UBE2G1: variants seen among roughly 807,000 people sequenced by gnomAD.
UBE2G1 encodes ubiquitin-conjugating enzyme E2 G1.
In UBE2G1, 5 loss-of-function variants were observed where a neutral mutation model predicts 22.7. The observed-to-expected ratio is 0.22, with a 90% CI of 0.12 to 0.46. The LOEUF is 0.46. Ranked by LOEUF, UBE2G1 falls within the 20% of genes least tolerant of loss-of-function variation. UBE2G1 has a pLI of 0.99. For missense variants in UBE2G1, 88 were observed against 203.9 expected (o/e 0.43, Z 3.46); for synonymous variants, 74 against 67.5 (o/e 1.10, Z -0.47).
At chr17:4,353,274 ACACTGAAGGTGTCT>A (rs983097712) in intron 1 of UBE2G1, among the ~76,000 whole-genome samples, 2 of 152,100 alleles carry the variant, frequency 1.3e-5, no homozygotes, top group African/African-American at 4.8e-5. Flanking sequence ...CCTTGATGAG[ACACTGAAGGTGTCT>A]CAACAAGTGT....
chr17:4,285,689 TG>T (rs1332354888), intron 4 of UBE2G1, among the ~76,000 whole-genome samples: 1 of 152,150 alleles, frequency 6.6e-6, no homozygotes, highest in East Asian at 1.9e-4. Flanking sequence ...AGGTGGCTCA[TG>T]CCTGTAATCC....
At chr17:4,331,802 A>C (rs775991034) in intron 1 of UBE2G1, 7 of 152,234 alleles carry the variant, frequency 4.6e-5, no homozygotes, top group Admixed American at 2.0e-4. Context: ...GAGGAAGGCT[A>C]ATCTTCTGGG....
intron 1 of UBE2G1, among the ~76,000 whole-genome samples, chr17:4,328,382 C>T (rs1336491621): frequency 6.6e-6 from 1 of 152,130 alleles, no homozygotes; most frequent in Non-Finnish European, 1.5e-5. Context: ...CCTTTACTAC[C>T]GTATGCATAC....
intron 1 of UBE2G1, among the ~76,000 whole-genome samples, chr17:4,324,985 G>A (rs1182370903): frequency 6.6e-6 from 1 of 152,040 alleles, no homozygotes; most frequent in Non-Finnish European, 1.5e-5. Context: ...GCTGAGGCAG[G>A]AGAACGGCGT....
At chr17:4,304,334 G>A (rs761192174) in intron 2 of UBE2G1, among the ~76,000 whole-genome samples, 2 of 152,096 alleles carry the variant, frequency 1.3e-5, no homozygotes, top group Non-Finnish European at 2.9e-5. Context: ...ACTTCTACCT[G>A]AAATTTTAAT....
intron 1 of UBE2G1, among the ~76,000 whole-genome samples, chr17:4,329,109 G>GAAAAAAA (rs56962666): frequency 3.3e-5 from 3 of 91,758 alleles, no homozygotes; most frequent in Admixed American, 1.4e-4. Flanking sequence ...GTCTCAAAAA[G>GAAAAAAA]AAAAAAAAAA....
chr17:4,335,595 T>C (rs541570069), intron 1 of UBE2G1, among the ~76,000 whole-genome samples: 4 of 152,336 alleles, frequency 2.6e-5, no homozygotes, highest in South Asian at 2.1e-4. Flanking sequence ...ATAATACCCA[T>C]AGAACTACAA....
At chr17:4,330,132 C>A (rs1251116810) in intron 1 of UBE2G1, among the ~76,000 whole-genome samples, 1 of 152,008 alleles carries the variant, frequency 6.6e-6, no homozygotes, top group Non-Finnish European at 1.5e-5. Flanking sequence ...CGAAGTTTTA[C>A]ATGTATGAAG....
intron 1 of UBE2G1, among the ~76,000 whole-genome samples, chr17:4,351,272 G>A (rs1184736810): frequency 6.6e-6 from 1 of 152,152 alleles, no homozygotes. Flanking sequence ...CTGTGTATCT[G>A]AAACTCTTCT....
At chr17:4,337,046 C>A (rs938972930) in intron 1 of UBE2G1, among the ~76,000 whole-genome samples, 2 of 152,088 alleles carry the variant, frequency 1.3e-5, no homozygotes, top group African/African-American at 4.8e-5. Context: ...TTTATGTACT[C>A]TCTCTCCTTA....
chr17:4,320,645 G>C (rs1170175135), intron 1 of UBE2G1, among the ~76,000 whole-genome samples: 2 of 152,076 alleles, frequency 1.3e-5, no homozygotes, highest in African/African-American at 2.4e-5. Flanking sequence ...ATGAAAAAAG[G>C]CCATGTATCC....
intron 4 of UBE2G1, among the ~76,000 whole-genome samples, chr17:4,284,473 T>C (rs3902168): frequency 0.95 from 144,773 of 151,854 alleles, 69,444 homozygotes; most frequent in East Asian, 1. Context: ...TGGTGGCACG[T>C]GCCTATAATC....
intron 1 of UBE2G1, among the ~76,000 whole-genome samples, chr17:4,317,724 T>C (rs1282725475): frequency 6.6e-6 from 1 of 152,242 alleles, no homozygotes; most frequent in African/African-American, 2.4e-5. Context: ...CTACCTGTAA[T>C]ATTTCACCCT....
intron 1 of UBE2G1, among the ~76,000 whole-genome samples, chr17:4,312,565 G>A (rs1206878803): frequency 8.6e-5 from 13 of 151,780 alleles, no homozygotes; most frequent in South Asian, 6.3e-4. Flanking sequence ...GCGTGGTGGC[G>A]GGCACCTGTA....
rs1297248550 is a variant in UBE2G1 at position 4,366,607 on chromosome 17, C to G, written c.-291G>C. On this transcript the variant is annotated 5_prime_UTR_variant, in exon 1 of 6. Transcript: ENST00000396981. Reference sequence around the variant, plus strand: ...TCCCTCCTTCAACCCGCCCGTCGGCCCCACCGGTGCCTTCCCCCGCCACTG... The same window carrying G: ...TCCCTCCTTCAACCCGCCCGTCGGCGCCACCGGTGCCTTCCCCCGCCACTG... 4 of 329,670 alleles carry G rather than the reference C, an allele frequency of 1.2e-5. No homozygotes were observed. The East Asian group carries it at 1.5e-4, about 12-fold the overall frequency. The allele number at this position is 329,670 out of a possible 1,614,324, so 20.4% of individuals were successfully genotyped here.
intron 1 of UBE2G1, among the ~76,000 whole-genome samples, chr17:4,357,504 TGTGTG>T (rs1254773242): frequency 5.1e-4 from 5 of 9,750 alleles, no homozygotes; most frequent in African/African-American, 9.0e-4. Context: ...TGTGTGTGTG[TGTGTG>T]GGGGGGGGGG....
At chr17:4,316,069 C>G (rs1165056555) in intron 1 of UBE2G1, among the ~76,000 whole-genome samples, 1 of 152,006 alleles carries the variant, frequency 6.6e-6, no homozygotes, top group Non-Finnish European at 1.5e-5. Flanking sequence ...TCTCAAAGTG[C>G]TGGGATTACA....
intron 1 of UBE2G1, among the ~76,000 whole-genome samples, chr17:4,342,271 T>A (rs1341375700): frequency 1.3e-5 from 2 of 152,194 alleles, no homozygotes; most frequent in African/African-American, 4.8e-5. Context: ...CTTTCAGATG[T>A]TCAGGCCAAA....
At chr17:4,315,581 A>G (rs1188774639) in intron 1 of UBE2G1, among the ~76,000 whole-genome samples, 1 of 151,422 alleles carries the variant, frequency 6.6e-6, no homozygotes, top group Non-Finnish European at 1.5e-5. Context: ...TCTACCAAAA[A>G]TACAAAAAAA....
Sources: gnomAD v4.1 joint callset for allele counts (sites outside exome capture counted in the v4.1 genomes callset) on GRCh38, gnomAD v4.1.1 for gene constraint, MANE v1.5 for transcripts, NCBI Gene and HGNC (gene_info 2026-07-23, HGNC 2026-07-21) for gene names.